The following PIP5K1C variants were observed in gnomAD, a reference collection of about 807,000 sequenced individuals.
PIP5K1C encodes the protein phosphatidylinositol 4-phosphate 5-kinase type-1 gamma.
PIP5K1C carries 45 observed loss-of-function variants against 80.1 expected under a neutral mutation model. That is an observed-to-expected ratio of 0.56 (90% CI 0.44 to 0.72). The LOEUF (loss-of-function observed/expected upper bound fraction) is 0.72. PIP5K1C is among the 30% of genes least tolerant of loss of function. The pLI, the probability that PIP5K1C is intolerant of heterozygous loss-of-function variation, is 0.00. For missense variants in PIP5K1C, 753 were observed against 954.6 expected (o/e 0.79, Z 2.78); for synonymous variants, 498 against 420.1 (o/e 1.19, Z -2.27).
chr19:3,698,992 G>A (rs2036210858), intron 1 of PIP5K1C, among the ~76,000 whole-genome samples: 1 of 146,246 alleles, frequency 6.8e-6, no homozygotes, highest in South Asian at 2.2e-4. Context: ...TCAGTCTGGA[G>A]CTGGCAACTT....
intron 1 of PIP5K1C, among the ~76,000 whole-genome samples, chr19:3,670,413 G>A (rs979094225): frequency 2.0e-5 from 3 of 152,274 alleles, no homozygotes; most frequent in Non-Finnish European, 2.9e-5. Flanking sequence ...GGGTGGAGGC[G>A]GGGAGGGCAC....
intron 14 of PIP5K1C, among the ~76,000 whole-genome samples, chr19:3,642,677 A>C (rs1369620048): frequency 4.6e-5 from 7 of 152,084 alleles, no homozygotes; most frequent in Admixed American, 4.6e-4. Context: ...AACTTAATAG[A>C]AGAAGAAATA....
At chr19:3,700,108 C>T (rs111285156) in intron 1 of PIP5K1C, among the ~76,000 whole-genome samples, 189 bp downstream of exon 1, 130 of 152,118 alleles carry the variant, frequency 8.5e-4, no homozygotes, top group African/African-American at 3.0e-3. Flanking sequence ...CCTCGCAGGC[C>T]TCCCGCTTCC....
rs559850426 is a variant in PIP5K1C at position 3,648,364 on chromosome 19, C to A, written c.1211+261G>T. Among the ~76,000 whole-genome samples, 1 of 152,202 alleles carries A rather than the reference C, an allele frequency of 6.6e-6. No homozygotes were observed. On this transcript the variant is annotated intron_variant, in intron 9 of 17. Coordinates refer to ENST00000335312, the MANE Select transcript of PIP5K1C (RefSeq NM_012398.3). The surrounding 1 kb of genome is among the most constrained non-coding windows in gnomAD (Gnocchi z 4.3). Reference sequence around the variant, plus strand: ...GCGACCAAACACCTTCCCTTTAGGGCTCAAGAAGGGGCAGCCAAGCAAGAG... The same window carrying A: ...GCGACCAAACACCTTCCCTTTAGGGATCAAGAAGGGGCAGCCAAGCAAGAG...
intron 1 of PIP5K1C, among the ~76,000 whole-genome samples, chr19:3,677,460 G>A (rs2035394887): frequency 6.6e-6 from 1 of 151,912 alleles, no homozygotes. Context: ...GCCAGTGCCT[G>A]TAATCCCAGC....
At chr19:3,651,747 A>G in intron 8 of PIP5K1C, 79 bp downstream of exon 8, 2 of 1,413,216 alleles carry the variant, frequency 1.4e-6, no homozygotes, top group South Asian at 2.3e-5. Flanking sequence ...GCCTGTTTTC[A>G]CACTTGGGAC....
At position 3,674,604 on chromosome 19, in the gene PIP5K1C, G is replaced by A. The variant is rs561324795; in HGVS notation, c.95-7251C>T. Among the ~76,000 whole-genome samples the A allele has an allele frequency of 2.6e-3, 397 of 152,136 alleles. 5 individuals carry two copies. Among genetic ancestry groups the A allele is most frequent in the African/African-American group, 9.0e-3 (373 of 41,422 alleles). Reference sequence around the variant, plus strand: ...TACAGCCTCCGCCTCCCGGGTTCAAGCGATTCTCCTGCCTCAGCCTCCCCC... The same window carrying A: ...TACAGCCTCCGCCTCCCGGGTTCAAACGATTCTCCTGCCTCAGCCTCCCCC... On this transcript the variant is annotated intron_variant, in intron 1 of 17. Coordinates refer to ENST00000335312, the MANE Select transcript of PIP5K1C (RefSeq NM_012398.3).
intron 1 of PIP5K1C, among the ~76,000 whole-genome samples, chr19:3,678,540 A>C (rs1350104737): frequency 2.8e-5 from 2 of 70,256 alleles, no homozygotes; most frequent in Non-Finnish European, 2.7e-5. Context: ...GGATGGAGGG[A>C]GGGATGGAGA....
At chr19:3,690,362 G>T (rs940241920) in intron 1 of PIP5K1C, among the ~76,000 whole-genome samples, 1 of 151,990 alleles carries the variant, frequency 6.6e-6, no homozygotes, top group Non-Finnish European at 1.5e-5. Context: ...TATGCATGGT[G>T]GCGCACACCT....
At position 3,662,017 on chromosome 19, in the gene PIP5K1C, A is replaced by T. The variant is rs1168713539; in HGVS notation, c.220-16T>A. The T allele has an allele frequency of 1.9e-6, 3 of 1,577,194 alleles. No individual in the cohort carries two copies. The highest frequency in any genetic ancestry group is 2.6e-6 in the Non-Finnish European group (3 of 1,164,776). ...AGGAGGTGGTCTGCAGGGAGACCAGAGTGTCAGGGCCCCCGGCTGCTCCCC... is the reference window on the plus strand; with the variant it reads ...AGGAGGTGGTCTGCAGGGAGACCAGTGTGTCAGGGCCCCCGGCTGCTCCCC... On this transcript the variant is annotated splice_polypyrimidine_tract_variant and intron_variant, in intron 3 of 17. Transcript: ENST00000335312.
At chr19:3,685,026 T>C (rs923078609) in intron 1 of PIP5K1C, among the ~76,000 whole-genome samples, 11 of 152,240 alleles carry the variant, frequency 7.2e-5, no homozygotes, top group South Asian at 2.1e-4. Flanking sequence ...TTTTTATTTA[T>C]AGAAATGAGG....
At chr19:3,699,314 C>T (rs906101550) in intron 1 of PIP5K1C, among the ~76,000 whole-genome samples, 7 of 126,912 alleles carry the variant, frequency 5.5e-5, no homozygotes, top group African/African-American at 1.8e-4. Flanking sequence ...AGGGAAGCCA[C>T]GAGTGTCTTT....
At chr19:3,691,201 G>A (rs892845357) in intron 1 of PIP5K1C, among the ~76,000 whole-genome samples, 8 of 152,220 alleles carry the variant, frequency 5.3e-5, no homozygotes, top group Non-Finnish European at 1.0e-4. Flanking sequence ...GGAAGAAGTC[G>A]CCTTGCACCC....
chr19:3,675,154 G>C (rs919370161), intron 1 of PIP5K1C, among the ~76,000 whole-genome samples: 10 of 152,184 alleles, frequency 6.6e-5, no homozygotes, highest in African/African-American at 2.2e-4. Context: ...AAATGTACTA[G>C]AATTAGTGGC....
chr19:3,661,550 G>A (rs974085605), intron 4 of PIP5K1C, among the ~76,000 whole-genome samples: 2 of 152,242 alleles, frequency 1.3e-5, no homozygotes, highest in Admixed American at 1.3e-4. Flanking sequence ...ATGGCGGTGT[G>A]GGGTGACCAG....
intron 2 of PIP5K1C, among the ~76,000 whole-genome samples, chr19:3,665,700 G>A (rs1415016481): frequency 6.6e-6 from 1 of 152,162 alleles, no homozygotes; most frequent in African/African-American, 2.4e-5. Context: ...GCTCCTGCAA[G>A]CTGTCGGGCA....
rs899520227 is a variant in PIP5K1C, at chr19:3,635,121, G to A, written c.1921-1601C>T. ...TGGGGCCAAAACAGGGTCCCCACCT[G>A]AGCCCTGAAAGAACTGGCCCGCAGG... is the stretch of plus-strand genomic sequence containing the variant. On this transcript the variant is annotated intron_variant, in intron 16 of 17. Coordinates refer to ENST00000335312, the MANE Select transcript of PIP5K1C (RefSeq NM_012398.3). Among the ~76,000 whole-genome samples the A allele has an allele frequency of 2.0e-5, 3 of 152,366 alleles. No homozygotes were observed. The East Asian group carries it at 5.8e-4, about 29-fold the overall frequency.
Position 3,691,875 on chromosome 19 carries a change from G to A in PIP5K1C, c.94+8422C>T, listed in dbSNP as rs1021710023. On this transcript the variant is annotated intron_variant, in intron 1 of 17. Coordinates refer to ENST00000335312, the MANE Select transcript of PIP5K1C (RefSeq NM_012398.3). The stretch of plus-strand genomic sequence containing the variant: ...AAATGAGCCTCTGGGATGGCCGGGA[G>A]AGTGGGGATGTTTGTTTTAGCAGCA... 3.3e-5 allele frequency among the ~76,000 whole-genome samples: 5 copies of A among 152,208 alleles called. No homozygotes were observed. The East Asian group carries it at 9.6e-4, about 29-fold the overall frequency.
Position 3,648,559 on chromosome 19 carries a change from G to A in PIP5K1C, c.1211+66C>T. On this transcript the variant is annotated intron_variant, in intron 9 of 17. Coordinates refer to ENST00000335312, the MANE Select transcript of PIP5K1C (RefSeq NM_012398.3). The surrounding 1 kb of genome is among the most constrained non-coding windows in gnomAD (Gnocchi z 4.3). Reference sequence around the variant, plus strand: ...GCCCACCTGTGGGGCTGCAGACCCGGGCGCCCACCTGTGGGACTGCAGACC... The same window carrying A: ...GCCCACCTGTGGGGCTGCAGACCCGAGCGCCCACCTGTGGGACTGCAGACC... 8.5e-7 allele frequency: 1 copy of A among 1,175,960 alleles called. No individual in the cohort carries two copies. Among genetic ancestry groups the A allele is most frequent in the Non-Finnish European group, 1.2e-6 (1 of 823,150 alleles). The allele number at this position is 1,175,960 out of a possible 1,614,324, so 72.8% of individuals were successfully genotyped here.
Sources: allele counts gnomAD v4.1 joint callset (sites outside exome capture counted in the v4.1 genomes callset), GRCh38; gene constraint gnomAD v4.1.1; non-coding constraint Gnocchi (gnomAD v3.1); transcripts MANE v1.5; gene names NCBI Gene and HGNC (gene_info 2026-07-23, HGNC 2026-07-21).